Variants in HEXD observed in about 807,000 individuals in gnomAD.
HEXD encodes hexosaminidase D.
A neutral mutation model predicts 54.2 loss-of-function variants in HEXD; 47 were observed. The observed-to-expected ratio is 0.87, with a 90% confidence interval of 0.69 to 1.11. The LOEUF (loss-of-function observed/expected upper bound fraction) is 1.11. Ranked by LOEUF, HEXD falls within the 50% of genes least tolerant of loss-of-function variation. The pLI, the probability that HEXD is intolerant of heterozygous loss-of-function variation, is 0.00. For missense variants in HEXD, 576 were observed against 649.2 expected, an observed-to-expected ratio of 0.89 and a Z score of 1.23; for synonymous variants, 293 against 287.6, an observed-to-expected ratio of 1.02 and a Z score of -0.19.
chr17:82,440,115 A>G, intron 9 of HEXD: 2 of 1,295,136 alleles, frequency 1.5e-6, no homozygotes, highest in African/African-American at 1.5e-5. Flanking sequence ...TCACACTTCC[A>G]GGTCTCCTGA....
In HEXD at chr17:82,435,799, G is replaced by C; in HGVS notation, c.558G>C (p.Lys186Asn). 6.2e-7 allele frequency: 1 copy of C among 1,612,770 alleles called. No individual in the cohort carries two copies. Among genetic ancestry groups the C allele is most frequent in the Admixed American group, 1.7e-5 (1 of 60,014 alleles). The stretch of plus-strand genomic sequence containing the variant: ...TGCGGGCGGTGGCCAGCGGCGTGAA[G>C]GCCCGGCGCCCCAGCGTGACACCCC... ...SHMRAVASGV[K>N]ARRPSVTPLV... The change falls in exon 6 of 13, where the codon AAG becomes AAC. Residue 186 changes from lysine to asparagine, a missense_variant. Physicochemically the swap from Lys to Asn is moderately conservative, Grantham distance 94 (BLOSUM62 0). Transcript: ENST00000327949.
intron 8 of HEXD, 48 bp downstream of exon 8, chr17:82,437,411 G>T (rs777178341): frequency 8.8e-6 from 13 of 1,474,446 alleles, no homozygotes; most frequent in Non-Finnish European, 1.2e-5. Flanking sequence ...CAGCTCTGGT[G>T]GCCACCACGT....
intron 2 of HEXD, among the ~76,000 whole-genome samples, chr17:82,421,315 C>A (rs1384036068): frequency 1.3e-5 from 2 of 152,136 alleles, no homozygotes; most frequent in Non-Finnish European, 2.9e-5. Context: ...ACAGCGCCCC[C>A]CACTAAGGAC....
intron 2 of HEXD, chr17:82,420,102 G>T (rs1383425174): frequency 2.7e-6 from 1 of 366,356 alleles, no homozygotes; most frequent in Admixed American, 4.6e-5. Context: ...AAAAGACAGA[G>T]AACAAAAGAA....
In HEXD at chr17:82,440,328, G is replaced by A. The variant is rs373401055; in HGVS notation, c.982+615G>A. ...GGCGCGGCGGCCCAGGGACGGGGAC[G>A]CGGCCGGTGAGAGGACGCAGAATGA... On this transcript the variant is annotated intron_variant, in intron 9 of 12. Coordinates refer to ENST00000327949, the MANE Select transcript of HEXD (RefSeq NM_001330542.2). 43 of 1,243,334 alleles carry A rather than the reference G, an allele frequency of 3.5e-5. No homozygotes were observed. In the East Asian group the frequency reaches 4.0e-4, roughly 12 times the overall value. 77.0% of individuals were successfully genotyped at this position (1,243,334 alleles called of 1,614,324 possible).
In HEXD at chr17:82,424,451, A is replaced by G. The variant is rs547417435; in HGVS notation, c.142A>G (p.Met48Val). ...ANGLLIEYED[M>V]FPYEGPLRLL... ...CGGCCTCCTCATTGAGTATGAAGAC[A>G]TGTTTCCCTACGAGGGCCCTCTGAG... Residue 48 changes from methionine to valine, a missense_variant, in exon 3 of 13, where the codon ATG becomes GTG. Coordinates refer to ENST00000327949, the MANE Select transcript of HEXD (RefSeq NM_001330542.2). 1.5e-5 allele frequency: 24 copies of G among 1,614,050 alleles called. No individual in the cohort carries two copies. The highest frequency in any genetic ancestry group is 4.4e-5 in the South Asian group (4 of 91,080).
At chr17:82,440,431 C>G in intron 9 of HEXD, 4 of 712,586 alleles carry the variant, frequency 5.6e-6, no homozygotes, top group Non-Finnish European at 5.9e-6. Context: ...CACCCCTGTA[C>G]CCCACACTAA....
At chr17:82,436,401 C>T (rs2053765685) in intron 6 of HEXD, among the ~76,000 whole-genome samples, 1 of 152,250 alleles carries the variant, frequency 6.6e-6, no homozygotes, top group South Asian at 2.1e-4. Flanking sequence ...CTTAGAGTGA[C>T]CTCCATTCAG....
In HEXD at chr17:82,441,914, C is replaced by T. The variant is rs569711994; in HGVS notation, c.1253+25C>T. 2.1e-5 allele frequency: 33 copies of T among 1,604,584 alleles called. No homozygotes were observed. In the South Asian group the frequency reaches 2.7e-4, roughly 13 times the overall value. ...GGTGAGGCCCTGGGCTCTTATAGGC[C>T]GTGCAGCCATGGGTTCCCTGAGAAC... On this transcript the variant is annotated intron_variant, in intron 12 of 12. Coordinates refer to ENST00000327949, the MANE Select transcript of HEXD (RefSeq NM_001330542.2).
chr17:82,438,015 T>C (rs1425003013), intron 8 of HEXD, among the ~76,000 whole-genome samples: 2 of 152,106 alleles, frequency 1.3e-5, no homozygotes, highest in Non-Finnish European at 2.9e-5. Context: ...GACGGGTGGA[T>C]CACCTGAGGT....
At chr17:82,441,770 G>A (rs567374749) in intron 11 of HEXD, 30 bp from the exon 12 acceptor site, 28 of 1,592,724 alleles carry the variant, frequency 1.8e-5, no homozygotes, top group South Asian at 1.3e-4. Context: ...TTGGTAGCCC[G>A]CGGCACACCC....
chr17:82,439,788 C>G, intron 9 of HEXD, 75 bp downstream of exon 9: 1 of 1,597,004 alleles, frequency 6.3e-7, no homozygotes, highest in Non-Finnish European at 8.5e-7. Flanking sequence ...GCCAAGCACC[C>G]AGTGCTCCAA....
intron 2 of HEXD, among the ~76,000 whole-genome samples, 160 bp from the exon 3 acceptor site, chr17:82,424,234 C>T (rs546074179): frequency 2.6e-5 from 4 of 152,182 alleles, no homozygotes; most frequent in East Asian, 1.9e-4. Flanking sequence ...TTTGGCATAA[C>T]GTAAAGTACA....
intron 9 of HEXD, chr17:82,440,266 GAA>G: frequency 7.8e-7 from 1 of 1,286,680 alleles, no homozygotes; most frequent in Non-Finnish European, 1.0e-6. Flanking sequence ...GATGCAGAAA[GAA>G]AAATGGCCGA....
In HEXD at chr17:82,437,257, G is replaced by A. The variant is rs376222154; in HGVS notation, c.793G>A (p.Val265Met). 6.6e-5 allele frequency: 106 copies of A among 1,611,870 alleles called. No homozygotes were observed. Among genetic ancestry groups the A allele is most frequent in the South Asian group, 1.3e-4 (12 of 91,002 alleles). Reference sequence around the variant, plus strand: ...GGGTGCCACGGGGCCCAGCCAGGCCGTGCCCCCTGTTGAGCACCACCTCAG... The same window carrying A: ...GGGTGCCACGGGGCCCAGCCAGGCCATGCCCCCTGTTGAGCACCACCTCAG... ...FKGATGPSQAVPPVEHHLRNH... is the reference protein window; with the variant it reads ...FKGATGPSQAMPPVEHHLRNH... The change falls in exon 8 of 13, where the codon GTG (valine) becomes ATG (methionine). Residue 265 changes from valine to methionine, a missense_variant. Transcript: ENST00000327949.
intron 9 of HEXD, 151 bp downstream of exon 9, chr17:82,439,864 C>T: frequency 6.5e-7 from 1 of 1,540,954 alleles, no homozygotes; most frequent in South Asian, 1.2e-5. Context: ...GCTCAGCCAC[C>T]CACCTGCCCT....
intron 2 of HEXD, among the ~76,000 whole-genome samples, chr17:82,423,068 AGAAAG>A (rs1159853808): frequency 6.6e-5 from 10 of 151,730 alleles, no homozygotes; most frequent in Non-Finnish European, 1.3e-4. Flanking sequence ...AAAAAAAAAA[AGAAAG>A]GAAAGGCGTT....
At chr17:82,435,174 C>T (rs1002037355) in intron 5 of HEXD, among the ~76,000 whole-genome samples, 15 of 152,270 alleles carry the variant, frequency 9.9e-5, no homozygotes, top group Admixed American at 7.2e-4. Context: ...TAAGTATAAA[C>T]GTCAGCACCT....
intron 4 of HEXD, among the ~76,000 whole-genome samples, chr17:82,430,624 G>T (rs535791057): frequency 5.9e-5 from 9 of 152,280 alleles, no homozygotes; most frequent in African/African-American, 1.9e-4. Flanking sequence ...CCTGGCCTCA[G>T]GCGATCCGCC....
Sources: allele counts gnomAD v4.1 joint callset (sites outside exome capture counted in the v4.1 genomes callset), GRCh38; gene constraint gnomAD v4.1.1; transcripts MANE v1.5; gene names NCBI Gene and HGNC (gene_info 2026-07-23, HGNC 2026-07-21).